The following CCSER1 variants were observed in gnomAD, a reference collection of about 807,000 sequenced individuals.
CCSER1 encodes the protein serine-rich coiled-coil domain-containing protein 1.
CCSER1 carries 41 observed loss-of-function variants against 82.0 expected under a neutral mutation model. The observed-to-expected ratio is 0.50, with a 90% CI of 0.39 to 0.65. The LOEUF is 0.65. Ranked by LOEUF, CCSER1 falls within the 30% of genes least tolerant of loss-of-function variation. CCSER1 has a pLI of 0.00. For synonymous variants in CCSER1, 414 were observed against 383.9 expected (o/e 1.08, Z -0.92); for missense variants, 1,119 against 1,064.2 (o/e 1.05, Z -0.72).
intron 5 of CCSER1, among the ~76,000 whole-genome samples, chr4:90,534,270 C>CA (rs1276423459): frequency 6.6e-6 from 1 of 152,190 alleles, no homozygotes; most frequent in Non-Finnish European, 1.5e-5. Flanking sequence ...GCTGGGACTA[C>CA]AGGCGCCCGC....
chr4:91,088,428 A>G (rs770342929), intron 10 of CCSER1, among the ~76,000 whole-genome samples: 1 of 152,180 alleles, frequency 6.6e-6, no homozygotes, highest in Non-Finnish European at 1.5e-5. Flanking sequence ...AGTGGTAAAT[A>G]CCATTAAAAA....
intron 10 of CCSER1, among the ~76,000 whole-genome samples, chr4:91,213,316 A>C (rs1311312276): frequency 6.6e-6 from 1 of 152,156 alleles, no homozygotes; most frequent in Admixed American, 6.5e-5. Flanking sequence ...GGGTACTGGG[A>C]AAAACAGAGA....
At chr4:90,550,407 G>A (rs17017169) in intron 5 of CCSER1, among the ~76,000 whole-genome samples, 9,469 of 152,062 alleles carry the variant, frequency 0.062, 972 homozygotes, top group African/African-American at 0.21. Flanking sequence ...ATTAGTTCCT[G>A]TTTTGTTTGA....
intron 10 of CCSER1, among the ~76,000 whole-genome samples, chr4:91,290,027 T>C (rs1206093146): frequency 6.6e-6 from 1 of 152,010 alleles, no homozygotes; most frequent in Non-Finnish European, 1.5e-5. Flanking sequence ...TATAGTAGAC[T>C]TCTCATCAGG....
intron 3 of CCSER1, among the ~76,000 whole-genome samples, chr4:90,365,658 T>C (rs1269461837): frequency 1.3e-5 from 2 of 151,864 alleles, no homozygotes; most frequent in Non-Finnish European, 3.0e-5. Context: ...ACTTACTATT[T>C]TGAAATACTT....
chr4:90,651,433 A>G (rs1183820785), intron 6 of CCSER1, among the ~76,000 whole-genome samples: 1 of 152,118 alleles, frequency 6.6e-6, no homozygotes, highest in Non-Finnish European at 1.5e-5. Context: ...GCAAACTAAC[A>G]CAGGAACAGA....
chr4:91,224,222 C>T (rs116633789), intron 10 of CCSER1, among the ~76,000 whole-genome samples: 97 of 152,132 alleles, frequency 6.4e-4, no homozygotes, highest in African/African-American at 2.2e-3. Flanking sequence ...CCACTCGCAT[C>T]GGTCTACCTT....
intron 10 of CCSER1, among the ~76,000 whole-genome samples, chr4:91,482,602 C>T (rs1317119133): frequency 6.6e-6 from 1 of 151,628 alleles, no homozygotes; most frequent in Non-Finnish European, 1.5e-5. Flanking sequence ...GGGTATATAC[C>T]CAAAGGATTA....
Position 90,837,374 on chromosome 4 carries a change from C to T in CCSER1, c.2094+21529C>T, listed in dbSNP as rs191188542. On this transcript the variant is annotated intron_variant, in intron 8 of 10. Coordinates refer to ENST00000509176, the MANE Select transcript of CCSER1 (RefSeq NM_001145065.2). ...ACAAATTTTAGCTTCTCACTATTCA[C>T]AATACATTTTATGTCCCTTTGTTTT... is the stretch of plus-strand genomic sequence containing the variant. Among the ~76,000 whole-genome samples, 489 of 152,228 alleles carry T rather than the reference C, an allele frequency of 3.2e-3. 3 individuals carry two copies. The highest frequency in any genetic ancestry group is 0.011 in the African/African-American group (466 of 41,550).
intron 10 of CCSER1, among the ~76,000 whole-genome samples, chr4:91,367,281 C>T (rs1412215455): frequency 2.9e-5 from 4 of 138,304 alleles, no homozygotes; most frequent in African/African-American, 8.2e-5. Flanking sequence ...TGCACCGCTG[C>T]ACTCCAGCAT....
intron 8 of CCSER1, among the ~76,000 whole-genome samples, chr4:90,865,694 T>C (rs1473555460): frequency 1.3e-5 from 2 of 152,018 alleles, no homozygotes; most frequent in Non-Finnish European, 2.9e-5. Context: ...ATGTTATAAA[T>C]CATTTAACAC....
chr4:90,134,289 T>C (rs1723291188), intron 1 of CCSER1, among the ~76,000 whole-genome samples: 1 of 152,200 alleles, frequency 6.6e-6, no homozygotes, highest in South Asian at 2.1e-4. Flanking sequence ...CTCCTCTTTC[T>C]TCCTAATTTA....
intron 1 of CCSER1, among the ~76,000 whole-genome samples, chr4:90,248,429 G>T (rs1367118128): frequency 6.6e-6 from 1 of 152,086 alleles, no homozygotes. Context: ...TGCTTTGCTG[G>T]TCCTGTACTA....
chr4:91,341,002 C>G (rs1230084998), intron 10 of CCSER1, among the ~76,000 whole-genome samples: 1 of 152,102 alleles, frequency 6.6e-6, no homozygotes. Context: ...AACTGAAACT[C>G]CTGTTAAGTT....
intron 10 of CCSER1, among the ~76,000 whole-genome samples, chr4:91,090,567 C>T (rs1397680093): frequency 1.3e-5 from 2 of 152,104 alleles, no homozygotes; most frequent in African/African-American, 4.8e-5. Context: ...GCTTTTAGAA[C>T]CCAGAAATTG....
At chr4:90,155,120 C>T (rs977290443) in intron 1 of CCSER1, among the ~76,000 whole-genome samples, 13 of 152,024 alleles carry the variant, frequency 8.6e-5, no homozygotes, top group East Asian at 1.9e-4. Flanking sequence ...AGGCCTTTTC[C>T]GCATCTATTG....
At chr4:90,278,530 T>C (rs1306307905) in intron 1 of CCSER1, among the ~76,000 whole-genome samples, 1 of 152,060 alleles carries the variant, frequency 6.6e-6, no homozygotes, top group Admixed American at 6.6e-5. Flanking sequence ...TGCAGCAACA[T>C]GGGTACAGCT....
chr4:91,259,993 A>G (rs1054570792), intron 10 of CCSER1, among the ~76,000 whole-genome samples: 1 of 152,224 alleles, frequency 6.6e-6, no homozygotes, highest in Non-Finnish European at 1.5e-5. Flanking sequence ...ACAAAGAACA[A>G]TGATAGCTGA....
chr4:90,353,251 A>G (rs1206908911), intron 3 of CCSER1, among the ~76,000 whole-genome samples: 1 of 152,176 alleles, frequency 6.6e-6, no homozygotes, highest in Non-Finnish European at 1.5e-5. Context: ...GCATACATAT[A>G]GCTAGAGTGA....
Sources: gnomAD v4.1 joint callset for allele counts (sites outside exome capture counted in the v4.1 genomes callset) on GRCh38, gnomAD v4.1.1 for gene constraint, MANE v1.5 for transcripts, NCBI Gene and HGNC (gene_info 2026-07-23, HGNC 2026-07-21) for gene names.